Variants in GPR20 observed in about 807,000 individuals in gnomAD.
GPR20 encodes the protein CTD-3064M3.3.
For synonymous variants in GPR20, 241 were observed against 241.9 expected, an observed-to-expected ratio of 1.00 and a Z score of 0.04; for missense variants, 494 against 527.4, an observed-to-expected ratio of 0.94 and a Z score of 0.62.
chr8:141,365,233 C>T (rs913569442), intron 1 of GPR20, among the ~76,000 whole-genome samples: 20 of 152,194 alleles, frequency 1.3e-4, no homozygotes, highest in Non-Finnish European at 2.5e-4. Flanking sequence ...GAAGGGCACC[C>T]GCTGGGCTCA....
chr8:141,363,089 C>T (rs1236237707), intron 1 of GPR20, among the ~76,000 whole-genome samples: 1 of 152,240 alleles, frequency 6.6e-6, no homozygotes, highest in Non-Finnish European at 1.5e-5. Flanking sequence ...CTTTGGTTTG[C>T]AGGCCAGCTC....
Position 141,357,139 on chromosome 8 carries a change from A to T in GPR20, c.785T>A (p.Val262Glu). The change falls in exon 2 of 2, where the codon GTG (valine) becomes GAG (glutamate). Residue 262 changes from valine to glutamate, a missense_variant. By Grantham distance (121) the Val-to-Glu change is moderately radical. Transcript: ENST00000377741. ...VCFTPFHARQ[V>E]AVALWPDMPH... ...CATGTCGGGCCACAGCGCCACGGCC[A>T]CTTGGCGGGCGTGGAAGGGCGTGAA... is the stretch of plus-strand genomic sequence containing the variant. 1 of 1,610,932 alleles carries T rather than the reference A, an allele frequency of 6.2e-7. No homozygotes were observed. The highest frequency in any genetic ancestry group is 8.5e-7 in the Non-Finnish European group (1 of 1,179,864).
At chr8:141,358,466 C>T (rs1831686296) in intron 1 of GPR20, among the ~76,000 whole-genome samples, 1 of 152,184 alleles carries the variant, frequency 6.6e-6, no homozygotes, top group Non-Finnish European at 1.5e-5. Flanking sequence ...GCAAGCGGGT[C>T]AGCACGGCAG....
Position 141,356,713 on chromosome 8 carries a change from G to T in GPR20, c.*134C>A. 2 of 625,950 alleles carry T rather than the reference G, an allele frequency of 3.2e-6. No homozygotes were observed. The highest frequency in any genetic ancestry group is 4.2e-4 in the Middle Eastern group (1 of 2,376). 38.8% of individuals were successfully genotyped at this position (625,950 alleles called of 1,614,324 possible). A position where few individuals can be genotyped will look rare whatever the true frequency, so the allele number is the denominator to read the frequency against. ...CAACCACAGCACAGTGGCCTTAGACGCTCAATGCGGTGCTCTGGGTAGCCA... is the reference window on the plus strand; with the variant it reads ...CAACCACAGCACAGTGGCCTTAGACTCTCAATGCGGTGCTCTGGGTAGCCA... On this transcript the variant is annotated 3_prime_UTR_variant, in exon 2 of 2. Transcript: ENST00000377741.
intron 1 of GPR20, among the ~76,000 whole-genome samples, chr8:141,359,505 T>C (rs73715871): frequency 0.019 from 2,963 of 152,310 alleles, 76 homozygotes; most frequent in African/African-American, 0.064. Flanking sequence ...TGCCCAGGCC[T>C]GTGCCCAGCC....
chr8:141,359,787 C>G (rs1055165106), intron 1 of GPR20, among the ~76,000 whole-genome samples: 2 of 152,174 alleles, frequency 1.3e-5, no homozygotes, highest in African/African-American at 4.8e-5. Flanking sequence ...AGAAGGTCCC[C>G]CCGAAAGAGA....
intron 1 of GPR20, among the ~76,000 whole-genome samples, chr8:141,363,342 G>A (rs1353957570): frequency 6.6e-6 from 1 of 152,266 alleles, no homozygotes. Flanking sequence ...GCTCACACGT[G>A]GGGAGAGGCC....
chr8:141,357,637 A>G lies in GPR20; in HGVS notation c.287T>C (p.Val96Ala), dbSNP rs1308392421. 1 of 1,613,878 alleles carries G rather than the reference A, an allele frequency of 6.2e-7. No homozygotes were observed. Among genetic ancestry groups the G allele is most frequent in the Non-Finnish European group, 8.5e-7 (1 of 1,180,022 alleles). ...CAGCCCTACCAGTAGATCGGTCACC[A>G]CCAGGTTGATGGTGTAGATGACTGA... is the stretch of plus-strand genomic sequence containing the variant. ...TPSVIYTINL[V>A]VTDLLVGLSL... Residue 96 changes from valine (V) to alanine (A), a missense_variant, in exon 2 of 2, where the codon GTG becomes GCG. By Grantham distance (64) the Val-to-Ala change is moderately conservative. Transcript: ENST00000377741.
At chr8:141,365,568 C>T (rs1272693840) in intron 1 of GPR20, among the ~76,000 whole-genome samples, 1 of 152,206 alleles carries the variant, frequency 6.6e-6, no homozygotes, top group African/African-American at 2.4e-5. Flanking sequence ...GCAGACCTGG[C>T]CCCACCTTTC....
rs1334039847 is a variant in GPR20 at position 141,357,678 on chromosome 8, G to T, written c.246C>A (p.Thr82=). 1 of 1,613,406 alleles carries T rather than the reference G, an allele frequency of 6.2e-7. No individual in the cohort carries two copies. Among genetic ancestry groups the T allele is most frequent in the African/African-American group, 1.3e-5 (1 of 74,836 alleles). Residue 82 remains threonine, a synonymous_variant, in exon 2 of 2, where the codon ACC becomes ACA. Coordinates refer to ENST00000377741, the MANE Select transcript of GPR20 (RefSeq NM_005293.3). The part of the protein sequence containing the change: ...GLALYVFCCR[T]RAKTPSVIYT... ...AGATGACTGAGGGTGTCTTGGCCCG[G>T]GTGCGGCAGCAGAAGACGTACAGCG... is the stretch of plus-strand genomic sequence containing the variant.
intron 1 of GPR20, among the ~76,000 whole-genome samples, chr8:141,365,094 C>T (rs1586511887): frequency 6.6e-6 from 1 of 152,248 alleles, no homozygotes. Context: ...CTGTTTCTCT[C>T]CCTGTGCCAC....
At chr8:141,365,028 A>C (rs1831794473) in intron 1 of GPR20, among the ~76,000 whole-genome samples, 1 of 152,180 alleles carries the variant, frequency 6.6e-6, no homozygotes, top group Admixed American at 6.5e-5. Flanking sequence ...GAAGCTCCTC[A>C]GCCTGGTCCT....
chr8:141,358,792 C>A (rs945290402), intron 1 of GPR20, among the ~76,000 whole-genome samples: 1 of 152,224 alleles, frequency 6.6e-6, no homozygotes, highest in African/African-American at 2.4e-5. Context: ...ATGATCCCCC[C>A]AAACTACAGA....
rs143818015 is a variant in GPR20 at position 141,357,579 on chromosome 8, G to A, written c.345C>T (p.Gly115=). The A allele has an allele frequency of 3.1e-4, 497 of 1,613,906 alleles. 1 individual carries two copies. In the African/African-American group the frequency reaches 3.6e-3, roughly 12 times the overall value. The change falls in exon 2 of 2, where the codon GGC becomes GGT. Residue 115 remains glycine, a synonymous_variant. Transcript: ENST00000377741. The part of the protein sequence containing the change: ...SLPTRFAVYY[G]ARGCLRCAFP... The stretch of plus-strand genomic sequence containing the variant: ...AGGCACAGCGCAGGCAGCCCCTGGC[G>A]CCGTAGTACACAGCGAAGCGCGTGG...
chr8:141,363,554 C>T (rs1044793907), intron 1 of GPR20, among the ~76,000 whole-genome samples: 6 of 152,260 alleles, frequency 3.9e-5, no homozygotes, highest in Non-Finnish European at 7.3e-5. Flanking sequence ...TGCTGCCTCC[C>T]TGCCCTCACC....
chr8:141,363,294 G>T (rs1056383846), intron 1 of GPR20, among the ~76,000 whole-genome samples: 3 of 152,268 alleles, frequency 2.0e-5, no homozygotes, highest in Admixed American at 6.5e-5. Flanking sequence ...GAGGCTCCTG[G>T]TTTTGGCACC....
At position 141,366,082 on chromosome 8, in the gene GPR20, C is replaced by T. The variant is rs192695757; in HGVS notation, c.-25+1119G>A. 4.2e-3 allele frequency among the ~76,000 whole-genome samples: 646 copies of T among 152,298 alleles called. 2 individuals carry two copies. The highest frequency in any genetic ancestry group is 0.024 in the Middle Eastern group (7 of 294). On this transcript the variant is annotated intron_variant, in intron 1 of 1. Coordinates refer to ENST00000377741, the MANE Select transcript of GPR20 (RefSeq NM_005293.3). ...CATCTATAAAGAGGAGATGCTAATA[C>T]CACTTAACAAGAAGACAATGAAGCC...
intron 1 of GPR20, among the ~76,000 whole-genome samples, chr8:141,364,751 GC>G (rs1238084307): frequency 6.6e-6 from 1 of 151,194 alleles, no homozygotes; most frequent in Non-Finnish European, 1.5e-5. Context: ...TCACCTGCCA[GC>G]CCCTCCCTGC....
intron 1 of GPR20, among the ~76,000 whole-genome samples, chr8:141,359,569 G>A (rs943837639): frequency 1.3e-5 from 2 of 152,192 alleles, no homozygotes; most frequent in Non-Finnish European, 2.9e-5. Context: ...AGCTCCCCCC[G>A]ACTGCAAGCA....
Sources: gnomAD v4.1 joint callset for allele counts (sites outside exome capture counted in the v4.1 genomes callset) on GRCh38, gnomAD v4.1.1 for gene constraint, MANE v1.5 for transcripts, NCBI Gene and HGNC (gene_info 2026-07-23, HGNC 2026-07-21) for gene names.